The following MARCHF1 variants were observed in gnomAD, a reference collection of about 807,000 sequenced individuals.
MARCHF1 encodes the protein E3 ubiquitin-protein ligase MARCHF1.
Under a neutral mutation model 54.2 loss-of-function variants are expected in MARCHF1, and 40 were observed. That is an observed-to-expected ratio of 0.74 (90% confidence interval 0.57 to 0.96). The LOEUF (loss-of-function observed/expected upper bound fraction) is 0.96, where lower values mean the gene tolerates loss of function less well. Among genes scored for constraint, MARCHF1 ranks in the 40% least tolerant of loss-of-function variants. The pLI is 0.00. For synonymous variants in MARCHF1, 236 were observed against 236.3 expected, an observed-to-expected ratio of 1.00 and a Z score of 0.01; for missense variants, 586 against 656.5, an observed-to-expected ratio of 0.89 and a Z score of 1.17.
At chr4:164,323,427 T>C (rs1190617166) in intron 1 of MARCHF1, among the ~76,000 whole-genome samples, 1 of 151,226 alleles carries the variant, frequency 6.6e-6, no homozygotes, top group East Asian at 1.9e-4. Context: ...TTTAAAATAG[T>C]CCTCATAAGA....
At chr4:164,317,253 G>A (rs921752141) in intron 1 of MARCHF1, among the ~76,000 whole-genome samples, 11 of 152,158 alleles carry the variant, frequency 7.2e-5, no homozygotes, top group Admixed American at 6.5e-5. Flanking sequence ...CTTCTACTTA[G>A]AGTACGTGTC....
At chr4:164,065,535 T>C (rs1044413154) in intron 2 of MARCHF1, among the ~76,000 whole-genome samples, 8 of 152,052 alleles carry the variant, frequency 5.3e-5, no homozygotes, top group Admixed American at 3.9e-4. Context: ...TTTTGCAAAA[T>C]GTGTATCAGT....
intron 1 of MARCHF1, among the ~76,000 whole-genome samples, chr4:164,143,865 G>C (rs990245060): frequency 7.2e-5 from 11 of 152,240 alleles, no homozygotes; most frequent in African/African-American, 2.4e-4. Flanking sequence ...CCAATTAAAA[G>C]ACACAGACTG....
intron 3 of MARCHF1, among the ~76,000 whole-genome samples, chr4:163,977,488 A>G (rs983899728): frequency 1.3e-5 from 2 of 152,186 alleles, no homozygotes; most frequent in Non-Finnish European, 2.9e-5. Flanking sequence ...ATATTTTGTT[A>G]TCCTAATTCA....
chr4:164,037,687 T>G (rs10001272), intron 2 of MARCHF1, among the ~76,000 whole-genome samples: 1 of 152,212 alleles, frequency 6.6e-6, no homozygotes, highest in East Asian at 1.9e-4. Context: ...GAGTACAGTA[T>G]GTAAATGGAT....
intron 4 of MARCHF1, among the ~76,000 whole-genome samples, chr4:163,818,122 A>G (rs1031270308): frequency 2.0e-5 from 3 of 152,046 alleles, no homozygotes; most frequent in African/African-American, 4.8e-5. Flanking sequence ...AAAAAAAAGA[A>G]AGCCACTTAG....
At chr4:163,594,759 AAC>A (rs3080975) in intron 7 of MARCHF1, among the ~76,000 whole-genome samples, 138 of 65,536 alleles carry the variant, frequency 2.1e-3, no homozygotes, top group Middle Eastern at 9.8e-3. Context: ...TCAAAACACA[AAC>A]ACACACACAC....
At chr4:164,180,126 A>C (rs1730794677) in intron 1 of MARCHF1, among the ~76,000 whole-genome samples, 3 of 151,946 alleles carry the variant, frequency 2.0e-5, no homozygotes, top group Non-Finnish European at 4.4e-5. Context: ...CTGAATTAAA[A>C]AGACAAATAA....
chr4:164,189,402 C>A, intron 1 of MARCHF1: 1 of 674,750 alleles, frequency 1.5e-6, no homozygotes, highest in Non-Finnish European at 2.7e-6. Context: ...TGAGGCCTGT[C>A]CAGAAAGTGT....
At position 164,207,446 on chromosome 4, in the gene MARCHF1, AT is replaced by A. The variant is rs1731639398; in HGVS notation, c.-322-95785del. ...CAGTATTAAACCAATCACCACAACA[AT>A]AAATGTATAAATATAAATTGTGATA... On this transcript the variant is annotated intron_variant, in intron 1 of 9. Coordinates refer to ENST00000514618, the MANE Select transcript of MARCHF1 (RefSeq NM_001394959.1). 2.0e-5 allele frequency among the ~76,000 whole-genome samples: 3 copies of A among 152,364 alleles called. No homozygotes were observed. In the South Asian group the frequency reaches 6.2e-4, roughly 32 times the overall value.
At chr4:164,126,405 T>A (rs1299449889) in intron 1 of MARCHF1, among the ~76,000 whole-genome samples, 2 of 152,212 alleles carry the variant, frequency 1.3e-5, no homozygotes, top group African/African-American at 4.8e-5. Context: ...TCCAGAACTG[T>A]GAGGAAAAGA....
intron 2 of MARCHF1, among the ~76,000 whole-genome samples, chr4:164,008,228 G>C (rs180910483): frequency 5.8e-4 from 88 of 152,212 alleles, no homozygotes; most frequent in Non-Finnish European, 1.0e-3. Flanking sequence ...TTTATAAAAA[G>C]AGGAGAATAA....
At chr4:164,321,760 A>G (rs553149394) in intron 1 of MARCHF1, among the ~76,000 whole-genome samples, 7 of 152,260 alleles carry the variant, frequency 4.6e-5, no homozygotes, top group African/African-American at 1.7e-4. Context: ...CAAAAGATCT[A>G]AAGACAGGGA....
At chr4:163,961,296 G>C (rs1206755714) in intron 3 of MARCHF1, among the ~76,000 whole-genome samples, 1 of 151,944 alleles carries the variant, frequency 6.6e-6, no homozygotes, top group Non-Finnish European at 1.5e-5. Flanking sequence ...TAATAAAGGT[G>C]TTTGTGATCT....
intron 5 of MARCHF1, among the ~76,000 whole-genome samples, chr4:163,691,040 T>C (rs1461367222): frequency 6.6e-6 from 1 of 152,158 alleles, no homozygotes; most frequent in African/African-American, 2.4e-5. Flanking sequence ...ATTATAAGTA[T>C]ATAAGGCAAA....
intron 2 of MARCHF1, among the ~76,000 whole-genome samples, chr4:163,999,265 C>T (rs1753140598): frequency 6.6e-6 from 1 of 151,364 alleles, no homozygotes; most frequent in South Asian, 2.1e-4. Flanking sequence ...GAAAATAATG[C>T]ATGTAAACTC....
intron 1 of MARCHF1, among the ~76,000 whole-genome samples, chr4:164,217,129 T>G (rs1451759285): frequency 6.6e-6 from 1 of 152,208 alleles, no homozygotes; most frequent in Non-Finnish European, 1.5e-5. Flanking sequence ...TTGCCAATGA[T>G]TTTATCCTGC....
At chr4:164,202,822 A>G (rs912909888) in intron 1 of MARCHF1, among the ~76,000 whole-genome samples, 1 of 152,184 alleles carries the variant, frequency 6.6e-6, no homozygotes, top group Admixed American at 6.5e-5. Flanking sequence ...GGGAACATGA[A>G]TTTTCTTATC....
chr4:164,338,641 G>A (rs190817520), intron 1 of MARCHF1, among the ~76,000 whole-genome samples: 64 of 152,282 alleles, frequency 4.2e-4, no homozygotes, highest in Admixed American at 1.3e-3. Context: ...GTCAGAAACT[G>A]TAACAAGTGA....
Sources: gnomAD v4.1 joint callset for allele counts (sites outside exome capture counted in the v4.1 genomes callset) on GRCh38, gnomAD v4.1.1 for gene constraint, MANE v1.5 for transcripts, NCBI Gene and HGNC (gene_info 2026-07-23, HGNC 2026-07-21) for gene names.